Variants in CDH13 observed in about 807,000 individuals in gnomAD.
CDH13 encodes the protein cadherin-13.
In CDH13, 24 loss-of-function variants were observed where a neutral mutation model predicts 63.8. That is an observed-to-expected ratio of 0.38 (90% CI 0.27 to 0.53). The LOEUF is 0.53. Among genes scored for constraint, CDH13 ranks in the 20% least tolerant of loss-of-function variants. The pLI, the probability that CDH13 is intolerant of heterozygous loss-of-function variation, is 0.85. For missense variants in CDH13, 1,049 were observed against 903.1 expected (o/e 1.16, Z -2.07); for synonymous variants, 503 against 355.3 (o/e 1.42, Z -4.67).
intron 3 of CDH13, among the ~76,000 whole-genome samples, chr16:83,088,608 C>T (rs963426687): frequency 6.6e-6 from 1 of 152,134 alleles, no homozygotes; most frequent in Non-Finnish European, 1.5e-5. Context: ...TGTTATTACC[C>T]TTCATAGGAT....
At chr16:83,357,268 G>A (rs920911203) in intron 6 of CDH13, among the ~76,000 whole-genome samples, 3 of 152,054 alleles carry the variant, frequency 2.0e-5, no homozygotes, top group African/African-American at 7.2e-5. Flanking sequence ...TATGCTTGTT[G>A]GCTCACACTA....
chr16:83,105,129 C>T (rs2034701580), intron 3 of CDH13, among the ~76,000 whole-genome samples: 1 of 152,172 alleles, frequency 6.6e-6, no homozygotes, highest in Non-Finnish European at 1.5e-5. Context: ...TGAAGCCCAG[C>T]ATGCATTAGC....
intron 2 of CDH13, among the ~76,000 whole-genome samples, chr16:82,956,535 A>G (rs962431077): frequency 1.3e-4 from 19 of 151,204 alleles, no homozygotes; most frequent in Admixed American, 4.6e-4. Flanking sequence ...AAGCTCAGGT[A>G]TATCCTGCCA....
intron 3 of CDH13, among the ~76,000 whole-genome samples, chr16:83,083,127 A>T (rs1310177232): frequency 6.6e-6 from 1 of 152,206 alleles, no homozygotes; most frequent in African/African-American, 2.4e-5. Flanking sequence ...GTAATTGGAC[A>T]TTTATAAGAA....
At position 83,508,667 on chromosome 16, in the gene CDH13, G is replaced by GT. The variant is rs200484212; in HGVS notation, c.960+22014dup. Among the ~76,000 whole-genome samples the GT allele has an allele frequency of 2.6e-5, 4 of 152,286 alleles. No homozygotes were observed. The East Asian group carries it at 7.7e-4, about 29-fold the overall frequency. ...ATGACCCCAGTGAGTTTGAACACCA[G>GT]TTGTCCACAGAGATAATCTGCCCAT... On this transcript the variant is annotated intron_variant, in intron 7 of 13. Transcript: ENST00000567109.
At chr16:82,739,205 T>C (rs1047007446) in intron 1 of CDH13, among the ~76,000 whole-genome samples, 3 of 146,422 alleles carry the variant, frequency 2.0e-5, no homozygotes, top group Non-Finnish European at 3.1e-5. Flanking sequence ...TTTACTATTA[T>C]ATTTTTTAGT....
chr16:83,199,672 T>C (rs1597503142), intron 4 of CDH13, among the ~76,000 whole-genome samples: 1 of 152,200 alleles, frequency 6.6e-6, no homozygotes, highest in Non-Finnish European at 1.5e-5. Flanking sequence ...TTACATGTTG[T>C]GTTTCAATGC....
chr16:82,923,331 A>T (rs2042213345), intron 2 of CDH13, among the ~76,000 whole-genome samples: 1 of 152,232 alleles, frequency 6.6e-6, no homozygotes, highest in Non-Finnish European at 1.5e-5. Context: ...TGTGCATGGT[A>T]TGCTCAGAAC....
At chr16:83,295,190 A>G (rs951049602) in intron 5 of CDH13, among the ~76,000 whole-genome samples, 3 of 152,198 alleles carry the variant, frequency 2.0e-5, no homozygotes, top group African/African-American at 7.2e-5. Context: ...AGAAGAATGA[A>G]ATTGGACTCC....
chr16:83,581,164 G>C (rs1905560809), intron 7 of CDH13, among the ~76,000 whole-genome samples: 1 of 152,168 alleles, frequency 6.6e-6, no homozygotes, highest in Non-Finnish European at 1.5e-5. Context: ...TACTGCATTT[G>C]TTCATTGATC....
chr16:83,351,753 G>A (rs2090955830), intron 6 of CDH13, among the ~76,000 whole-genome samples: 1 of 152,194 alleles, frequency 6.6e-6, no homozygotes, highest in African/African-American at 2.4e-5. Context: ...TAATGGGATG[G>A]CGGATATGCC....
chr16:82,902,719 TGTTGA>T (rs2151246784), intron 2 of CDH13, among the ~76,000 whole-genome samples: 1 of 152,268 alleles, frequency 6.6e-6, no homozygotes, highest in South Asian at 2.1e-4. Flanking sequence ...TTGTCTCTTC[TGTTGA>T]GCCATTCATG....
At chr16:82,739,231 A>G (rs1359404921) in intron 1 of CDH13, among the ~76,000 whole-genome samples, 1 of 152,196 alleles carries the variant, frequency 6.6e-6, no homozygotes, top group Non-Finnish European at 1.5e-5. Flanking sequence ...CATAAATCAG[A>G]GGAAAAATCC....
intron 3 of CDH13, among the ~76,000 whole-genome samples, chr16:83,103,381 G>T (rs1222954307): frequency 6.7e-6 from 1 of 150,284 alleles, no homozygotes; most frequent in African/African-American, 2.5e-5. Context: ...GAGTAGCTGG[G>T]ACTACAGGCA....
chr16:83,079,610 G>T (rs946603438), intron 3 of CDH13, among the ~76,000 whole-genome samples: 1 of 152,182 alleles, frequency 6.6e-6, no homozygotes, highest in Non-Finnish European at 1.5e-5. Flanking sequence ...GGTGCTACTT[G>T]GTTCTCTTTG....
chr16:83,210,611 G>C (rs541465123), intron 4 of CDH13, among the ~76,000 whole-genome samples: 1 of 151,988 alleles, frequency 6.6e-6, no homozygotes, highest in Non-Finnish European at 1.5e-5. Context: ...CTTGAGATCT[G>C]GGTTAAGGAG....
chr16:82,928,636 T>C (rs1477232052), intron 2 of CDH13, among the ~76,000 whole-genome samples: 1 of 152,252 alleles, frequency 6.6e-6, no homozygotes, highest in Non-Finnish European at 1.5e-5. Flanking sequence ...AAATAAGAAT[T>C]GTCCAAGGTA....
intron 5 of CDH13, among the ~76,000 whole-genome samples, chr16:83,270,312 A>G (rs924694976): frequency 4.6e-5 from 7 of 152,166 alleles, no homozygotes; most frequent in African/African-American, 1.7e-4. Flanking sequence ...ACAGCTCTAT[A>G]TGGAGAAGTC....
At chr16:83,357,144 C>T (rs1173115629) in intron 6 of CDH13, among the ~76,000 whole-genome samples, 1 of 152,108 alleles carries the variant, frequency 6.6e-6, no homozygotes, top group Admixed American at 6.6e-5. Context: ...TGGAGGACCT[C>T]GCTGGCCTGT....
Sources: allele counts gnomAD v4.1 joint callset (sites outside exome capture counted in the v4.1 genomes callset), GRCh38; gene constraint gnomAD v4.1.1; transcripts MANE v1.5; gene names NCBI Gene and HGNC (gene_info 2026-07-23, HGNC 2026-07-21).